EPM2A: variants seen among roughly 807,000 people sequenced by gnomAD.
EPM2A encodes the protein EPM2A glucan phosphatase, laforin, also known as laforin.
In EPM2A, 21 loss-of-function variants were observed where a neutral mutation model predicts 26.5. The ratio of observed to expected loss-of-function variants is 0.79; its 90% confidence interval spans 0.56 to 1.14. The LOEUF is 1.14. Ranked by LOEUF, EPM2A falls within the 50% of genes most tolerant of loss-of-function variation. The probability of loss-of-function intolerance (pLI) is 0.00; values close to 1 mark genes in which losing one functional copy is unlikely to be tolerated. For missense variants in EPM2A, 458 were observed against 440.8 expected, an observed-to-expected ratio of 1.04 and a Z score of -0.35; for synonymous variants, 217 against 177.6, an observed-to-expected ratio of 1.22 and a Z score of -1.76.
At chr6:145,635,209 A>C in intron 3 of EPM2A, 36 bp downstream of exon 3, 2 of 1,613,674 alleles carry the variant, frequency 1.2e-6, no homozygotes, top group Non-Finnish European at 1.7e-6. Flanking sequence ...GTTTCTCTGA[A>C]ATACAGCAAG....
At chr6:145,577,779 A>G (rs1477977050) in intron 2 of EPM2A, among the ~76,000 whole-genome samples, 1 of 152,132 alleles carries the variant, frequency 6.6e-6, no homozygotes, top group Non-Finnish European at 1.5e-5. Context: ...AACATACTCC[A>G]GGATAGACCA....
At chr6:145,676,397 G>T (rs527243438) in intron 2 of EPM2A, among the ~76,000 whole-genome samples, 44 of 151,904 alleles carry the variant, frequency 2.9e-4, no homozygotes, top group Non-Finnish European at 5.3e-4. Flanking sequence ...AATTCAAAAG[G>T]TAGCAGAAGG....
chr6:145,642,528 T>C (rs979530835), intron 2 of EPM2A, among the ~76,000 whole-genome samples: 1 of 152,178 alleles, frequency 6.6e-6, no homozygotes, highest in East Asian at 1.9e-4. Flanking sequence ...GCCTGCATTC[T>C]TTGATGAAGA....
intron 2 of EPM2A, among the ~76,000 whole-genome samples, chr6:145,541,304 GTGTGTGTATATACATATATA>G (rs1780507235): frequency 6.8e-6 from 1 of 147,760 alleles, no homozygotes; most frequent in African/African-American, 2.5e-5. Flanking sequence ...CAATTTGTGT[GTGTGTGTATATACATATATA>G]TGTGTATATA....
chr6:145,515,916 A>G lies in EPM2A; in HGVS notation c.341-13341T>C, dbSNP rs1219257571. Among the ~76,000 whole-genome samples the G allele has an allele frequency of 2.6e-5, 4 of 152,288 alleles. No individual in the cohort carries two copies. In the East Asian group the frequency reaches 7.7e-4, roughly 29 times the overall value. On this transcript the variant is annotated intron_variant, in intron 2 of 3. Coordinates refer to the EPM2A transcript ENST00000450221. ...CCAAAGAAACCTGCCTCCATTTACC[A>G]TGGTGACTATGCACTGGGCAAAGGG...
At chr6:145,547,692 C>G (rs1273762154) in intron 2 of EPM2A, among the ~76,000 whole-genome samples, 1 of 152,036 alleles carries the variant, frequency 6.6e-6, no homozygotes, top group African/African-American at 2.4e-5. Flanking sequence ...TGACATCTGC[C>G]TAACTGTTAC....
At chr6:145,481,906 T>C (rs1582789092) in intron 4 of EPM2A, among the ~76,000 whole-genome samples, 2 of 139,872 alleles carry the variant, frequency 1.4e-5, no homozygotes, top group South Asian at 5.0e-4. Flanking sequence ...AACAACATAT[T>C]TGGATGAATA....
rs115383102 is a variant in EPM2A, at chr6:145,603,197, T to C, written c.340+32048A>G. ...AGTGGTGCAACTTGGGCATCATTTCTGGCTGTGACATCCCCAAACCTATGA... is the reference window on the plus strand; with the variant it reads ...AGTGGTGCAACTTGGGCATCATTTCCGGCTGTGACATCCCCAAACCTATGA... On this transcript the variant is annotated intron_variant, in intron 2 of 3. Coordinates refer to the EPM2A transcript ENST00000450221. 8.5e-3 allele frequency among the ~76,000 whole-genome samples: 1,289 copies of C among 152,184 alleles called. 19 individuals are homozygous for C. Among genetic ancestry groups the C allele is most frequent in the African/African-American group, 0.03 (1,235 of 41,524 alleles).
intron 3 of EPM2A, chr6:145,629,765 A>G (rs115965024): frequency 6.6e-6 from 1 of 152,392 alleles, no homozygotes; most frequent in African/African-American, 2.4e-5. Context: ...CTCTCCAGAT[A>G]CTATGTGCCT....
In EPM2A at chr6:145,558,511, T is replaced by C. The variant is rs9497345; in HGVS notation, c.341-55936A>G. Among the ~76,000 whole-genome samples, 1,171 of 152,170 alleles carry C rather than the reference T, an allele frequency of 7.7e-3. 16 individuals are homozygous for C. Among genetic ancestry groups the C allele is most frequent in the African/African-American group, 0.027 (1,115 of 41,538 alleles). On this transcript the variant is annotated intron_variant, in intron 2 of 3. Coordinates refer to the EPM2A transcript ENST00000450221. ...TTTTTTGAGGAAGCTCCATACTGTTTTACATAATGTCTGTACTAATTTACA... is the reference window on the plus strand; with the variant it reads ...TTTTTTGAGGAAGCTCCATACTGTTCTACATAATGTCTGTACTAATTTACA...
upstream of EPM2A, chr6:145,735,542 G>C: frequency 8.6e-7 from 1 of 1,156,316 alleles, no homozygotes; most frequent in Non-Finnish European, 1.1e-6. Context: ...GAGTCCCCGC[G>C]GCCGGCAGGC....
chr6:145,433,911 C>T (rs933559306), intron 4 of EPM2A, among the ~76,000 whole-genome samples: 10 of 152,066 alleles, frequency 6.6e-5, no homozygotes, highest in African/African-American at 2.4e-4. Context: ...CAGCTGGGAT[C>T]ATGTCCCTTC....
At chr6:145,565,332 CG>C (rs1780870547) in intron 2 of EPM2A, among the ~76,000 whole-genome samples, 1 of 152,128 alleles carries the variant, frequency 6.6e-6, no homozygotes, top group Admixed American at 6.6e-5. Context: ...ATGTATCAGG[CG>C]CAAATGAGAG....
chr6:145,724,013 C>A (rs1261693255), intron 1 of EPM2A, among the ~76,000 whole-genome samples: 1 of 152,114 alleles, frequency 6.6e-6, no homozygotes, highest in Non-Finnish European at 1.5e-5. Flanking sequence ...ACATTTTAGT[C>A]TCCACCAGAC....
chr6:145,513,116 A>G (rs1780078693), intron 2 of EPM2A, among the ~76,000 whole-genome samples: 1 of 152,204 alleles, frequency 6.6e-6, no homozygotes, highest in African/African-American at 2.4e-5. Context: ...GCATAAACAG[A>G]CAACCTTCAG....
intron 2 of EPM2A, among the ~76,000 whole-genome samples, chr6:145,664,785 T>G (rs1779033852): frequency 6.6e-6 from 1 of 151,676 alleles, no homozygotes; most frequent in Non-Finnish European, 1.5e-5. Context: ...TCAGCAAATG[T>G]AAAAGAACAG....
At chr6:145,498,582 A>G (rs400968), downstream of EPM2A, among the ~76,000 whole-genome samples, 72,821 of 151,954 alleles carry the variant, frequency 0.48, 17,451 homozygotes, top group South Asian at 0.61. Context: ...GTTTCCCAGG[A>G]TTGCACATTC....
intron 2 of EPM2A, among the ~76,000 whole-genome samples, chr6:145,573,588 T>C (rs1780988726): frequency 6.6e-6 from 1 of 152,264 alleles, no homozygotes; most frequent in Non-Finnish European, 1.5e-5. Context: ...ATGATGGCAC[T>C]AATCTCCGCA....
intron 3 of EPM2A, chr6:145,631,568 C>T (rs1776253733): frequency 6.6e-6 from 1 of 152,124 alleles, no homozygotes; most frequent in African/African-American, 2.4e-5. Flanking sequence ...AGAAAAACAG[C>T]AATAAAAGCC....
Sources: gnomAD v4.1 joint callset for allele counts (sites outside exome capture counted in the v4.1 genomes callset) on GRCh38, gnomAD v4.1.1 for gene constraint, MANE v1.5 for transcripts, NCBI Gene and HGNC (gene_info 2026-07-23, HGNC 2026-07-21) for gene names.